Variants in DGKB observed in about 807,000 individuals in gnomAD.
DGKB encodes the protein diacylglycerol kinase beta.
In DGKB, 67 loss-of-function variants were observed where a neutral mutation model predicts 114.3. The observed-to-expected ratio is 0.59, with a 90% CI of 0.48 to 0.72. The LOEUF (loss-of-function observed/expected upper bound fraction) is 0.72. Among genes scored for constraint, DGKB ranks in the 30% least tolerant of loss-of-function variants. The pLI, the probability that DGKB is intolerant of heterozygous loss-of-function variation, is 0.00. For missense variants in DGKB, 907 were observed against 975.2 expected (o/e 0.93, Z 0.93); for synonymous variants, 398 against 323.1 (o/e 1.23, Z -2.49).
At chr7:14,511,490 A>G (rs1004980650) in intron 20 of DGKB, among the ~76,000 whole-genome samples, 1 of 152,148 alleles carries the variant, frequency 6.6e-6, no homozygotes, top group Non-Finnish European at 1.5e-5. Flanking sequence ...CTGAATTAGG[A>G]TTTGACTTAA....
chr7:14,497,865 C>T (rs2128947622), intron 20 of DGKB, among the ~76,000 whole-genome samples: 1 of 151,930 alleles, frequency 6.6e-6, no homozygotes, highest in East Asian at 1.9e-4. Context: ...CCACAATACC[C>T]ACTGAATATT....
intron 1 of DGKB, among the ~76,000 whole-genome samples, chr7:14,885,300 A>G (rs1854860732): frequency 6.6e-6 from 1 of 152,050 alleles, no homozygotes; most frequent in Non-Finnish European, 1.5e-5. Flanking sequence ...ACAACCATGT[A>G]GCAGAAGATC....
chr7:14,835,218 T>G (rs1343455956), intron 2 of DGKB, among the ~76,000 whole-genome samples: 1 of 152,124 alleles, frequency 6.6e-6, no homozygotes, highest in East Asian at 1.9e-4. Context: ...AAGACATTTC[T>G]GGTAAGTCAA....
chr7:14,831,605 G>GA (rs1466424943), intron 2 of DGKB, among the ~76,000 whole-genome samples: 1 of 151,750 alleles, frequency 6.6e-6, no homozygotes, highest in Admixed American at 6.6e-5. Flanking sequence ...TAGGGGGACA[G>GA]AAAAAAAACA....
intron 20 of DGKB, among the ~76,000 whole-genome samples, chr7:14,568,619 T>A (rs1228349576): frequency 6.6e-6 from 1 of 152,314 alleles, no homozygotes; most frequent in Middle Eastern, 3.4e-3. Flanking sequence ...TTTTAACCTA[T>A]CCTGACCTGT....
At chr7:14,666,776 T>C (rs910652263) in intron 13 of DGKB, among the ~76,000 whole-genome samples, 1 of 151,890 alleles carries the variant, frequency 6.6e-6, no homozygotes, top group Non-Finnish European at 1.5e-5. Flanking sequence ...GAACATTTTT[T>C]TTCTTAAAAA....
chr7:14,517,165 C>T (rs1481659273), intron 20 of DGKB, among the ~76,000 whole-genome samples: 6 of 151,962 alleles, frequency 3.9e-5, no homozygotes, highest in Admixed American at 1.3e-4. Flanking sequence ...CACCTACAAC[C>T]GTCTGATCTT....
At chr7:14,904,150 G>T (rs920099528), upstream of DGKB, among the ~76,000 whole-genome samples, 3 of 152,052 alleles carry the variant, frequency 2.0e-5, no homozygotes, top group African/African-American at 7.2e-5. Flanking sequence ...AGTAACATTT[G>T]CTCTAGTAAT....
intron 21 of DGKB, among the ~76,000 whole-genome samples, chr7:14,437,443 T>C (rs1372898313): frequency 6.6e-6 from 1 of 152,214 alleles, no homozygotes; most frequent in East Asian, 1.9e-4. Context: ...TAAACACAAA[T>C]TGAGGAGCAG....
intron 1 of DGKB, among the ~76,000 whole-genome samples, chr7:14,918,009 G>T (rs760230955): frequency 7.9e-5 from 12 of 151,874 alleles, no homozygotes; most frequent in Non-Finnish European, 1.5e-4. Context: ...AAAATTATAC[G>T]ATCATATTAA....
intron 21 of DGKB, among the ~76,000 whole-genome samples, chr7:14,367,667 A>G (rs2128644062): frequency 6.6e-6 from 1 of 152,230 alleles, no homozygotes; most frequent in Non-Finnish European, 1.5e-5. Flanking sequence ...ACTGCTCTTA[A>G]GAAATACCCA....
At chr7:14,938,810 T>C (rs1785406762) in intron 1 of DGKB, among the ~76,000 whole-genome samples, 1 of 152,178 alleles carries the variant, frequency 6.6e-6, no homozygotes, top group African/African-American at 2.4e-5. Context: ...CAAAAAATTA[T>C]TCTTCATTTC....
chr7:14,232,741 A>G (rs1792107423), intron 23 of DGKB, among the ~76,000 whole-genome samples: 1 of 152,058 alleles, frequency 6.6e-6, no homozygotes, highest in Non-Finnish European at 1.5e-5. Flanking sequence ...TATTTAGTGT[A>G]AAGTGTTTTA....
intron 21 of DGKB, among the ~76,000 whole-genome samples, chr7:14,387,859 T>A (rs552766298): frequency 6.6e-6 from 1 of 151,178 alleles, no homozygotes; most frequent in African/African-American, 2.4e-5. Context: ...AGTACAGGTA[T>A]CATCAGTTGA....
chr7:14,666,894 G>A (rs892155997), intron 13 of DGKB, among the ~76,000 whole-genome samples: 2 of 151,872 alleles, frequency 1.3e-5, no homozygotes, highest in African/African-American at 4.8e-5. Flanking sequence ...AAAAGATACT[G>A]GATGCCAATT....
intron 1 of DGKB, among the ~76,000 whole-genome samples, chr7:14,944,509 A>G (rs944287703): frequency 6.6e-6 from 1 of 151,958 alleles, no homozygotes; most frequent in Non-Finnish European, 1.5e-5. Flanking sequence ...GAACTTTTCT[A>G]TGAACTTTCT....
chr7:14,644,200 A>G (rs752724626), intron 13 of DGKB, among the ~76,000 whole-genome samples: 1 of 152,180 alleles, frequency 6.6e-6, no homozygotes, highest in Non-Finnish European at 1.5e-5. Context: ...CTGACTCTAT[A>G]GATACATCTA....
rs533967848 is a variant in DGKB, at chr7:14,486,829, TATTA to T, written c.1771-8608_1771-8605del. ...AAATCTATGGTAAAGTATTGACAAT[TATTA>T]ATTAAGGTGACCACCGGAGTATCAG... On this transcript the variant is annotated intron_variant, in intron 20 of 25. Transcript: ENST00000402815. Among the ~76,000 whole-genome samples the T allele has an allele frequency of 1.8e-3, 280 of 152,298 alleles. 1 individual carries two copies. The highest frequency in any genetic ancestry group is 3.2e-3 in the Non-Finnish European group (218 of 68,026).
chr7:14,263,975 G>A (rs1385950778), intron 23 of DGKB, among the ~76,000 whole-genome samples: 1 of 152,162 alleles, frequency 6.6e-6, no homozygotes, highest in African/African-American at 2.4e-5. Flanking sequence ...ATCTTTTGCG[G>A]AAATATCAAG....
Sources: allele counts gnomAD v4.1 joint callset (sites outside exome capture counted in the v4.1 genomes callset), GRCh38; gene constraint gnomAD v4.1.1; transcripts MANE v1.5; gene names NCBI Gene and HGNC (gene_info 2026-07-23, HGNC 2026-07-21).